COL19A1: variants seen among roughly 807,000 people sequenced by gnomAD.
COL19A1 encodes the protein collagen alpha-1(XIX) chain.
In COL19A1, 159 loss-of-function variants were observed where a neutral mutation model predicts 190.2. The observed-to-expected ratio is 0.84, with a 90% confidence interval of 0.73 to 0.95. The LOEUF is 0.95. Among genes scored for constraint, COL19A1 ranks in the 40% least tolerant of loss-of-function variants. COL19A1 has a pLI of 0.00. For missense variants in COL19A1, 1,418 were observed against 1,431.9 expected, an observed-to-expected ratio of 0.99 and a Z score of 0.16; for synonymous variants, 509 against 458.9, an observed-to-expected ratio of 1.11 and a Z score of -1.39.
In COL19A1 at chr6:70,212,328, T is replaced by C. The variant is rs748518773; in HGVS notation, c.*5054T>C. ...TTTACGATTTAATTGAATATACTCA[T>C]GTTAAGTGCAATGGCATTAGTTTTA... On this transcript the variant is annotated 3_prime_UTR_variant, in exon 51 of 51. Coordinates refer to ENST00000620364, the MANE Select transcript of COL19A1 (RefSeq NM_001858.6). Among the ~76,000 whole-genome samples, 7 of 152,234 alleles carry C rather than the reference T, an allele frequency of 4.6e-5. No homozygotes were observed. Among genetic ancestry groups the C allele is most frequent in the Non-Finnish European group, 1.0e-4 (7 of 68,038 alleles).
chr6:70,147,730 A>G (rs564002638), intron 27 of COL19A1, among the ~76,000 whole-genome samples: 4 of 152,198 alleles, frequency 2.6e-5, no homozygotes, highest in East Asian at 3.9e-4. Flanking sequence ...GTCTGACACT[A>G]TCTACCTGGA....
chr6:69,942,740 ATGTGTGTG>A (rs35406948), intron 9 of COL19A1, among the ~76,000 whole-genome samples: 1 of 146,682 alleles, frequency 6.8e-6, no homozygotes, highest in East Asian at 2.0e-4. Flanking sequence ...CATTGTGTGT[ATGTGTGTG>A]TGTGTGTGTG....
At chr6:69,997,467 C>G (rs1001419767) in intron 11 of COL19A1, among the ~76,000 whole-genome samples, 1 of 152,098 alleles carries the variant, frequency 6.6e-6, no homozygotes, top group Non-Finnish European at 1.5e-5. Flanking sequence ...TAAATCTGTT[C>G]AAGGAATTAG....
intron 49 of COL19A1, among the ~76,000 whole-genome samples, chr6:70,203,899 G>T (rs1284714243): frequency 6.7e-6 from 1 of 150,314 alleles, no homozygotes; most frequent in African/African-American, 2.5e-5. Flanking sequence ...CACTCTTGTT[G>T]CCTAGGCTGG....
At chr6:70,107,147 G>A (rs768130079) in intron 16 of COL19A1, among the ~76,000 whole-genome samples, 2 of 152,124 alleles carry the variant, frequency 1.3e-5, no homozygotes, top group Non-Finnish European at 2.9e-5. Context: ...TGAAACACAG[G>A]AACTGATCCC....
intron 1 of COL19A1, among the ~76,000 whole-genome samples, chr6:69,873,260 A>C (rs760526038): frequency 6.6e-6 from 1 of 152,030 alleles, no homozygotes; most frequent in Non-Finnish European, 1.5e-5. Context: ...CCTGAAAAAA[A>C]AAAACGATCC....
intron 12 of COL19A1, among the ~76,000 whole-genome samples, chr6:70,029,493 A>G (rs1778909283): frequency 6.6e-6 from 1 of 152,148 alleles, no homozygotes; most frequent in South Asian, 2.1e-4. Context: ...CTTACTCAAT[A>G]TTTAATTCAG....
At chr6:70,057,412 G>A (rs1162112991) in intron 14 of COL19A1, among the ~76,000 whole-genome samples, 1 of 151,950 alleles carries the variant, frequency 6.6e-6, no homozygotes, top group Non-Finnish European at 1.5e-5. Flanking sequence ...TCATAGTCAA[G>A]AATAATTTAA....
chr6:69,976,560 G>T (rs75460839), intron 11 of COL19A1, among the ~76,000 whole-genome samples: 1 of 152,068 alleles, frequency 6.6e-6, no homozygotes, highest in Non-Finnish European at 1.5e-5. Flanking sequence ...AGTACATAAC[G>T]CTCCCTAGGA....
intron 15 of COL19A1, among the ~76,000 whole-genome samples, chr6:70,077,105 C>G (rs1316206388): frequency 1.3e-5 from 2 of 152,062 alleles, no homozygotes; most frequent in East Asian, 3.9e-4. Context: ...CTTTGAAAGC[C>G]AGCAAATTAT....
At chr6:69,946,881 C>T (rs1406774998) in intron 9 of COL19A1, among the ~76,000 whole-genome samples, 2 of 151,816 alleles carry the variant, frequency 1.3e-5, no homozygotes, top group East Asian at 3.9e-4. Context: ...AACTGTGGCC[C>T]TATAGTAGGG....
intron 11 of COL19A1, among the ~76,000 whole-genome samples, chr6:70,004,729 G>A (rs145875936): frequency 0.014 from 2,111 of 152,036 alleles, 38 homozygotes; most frequent in East Asian, 0.069. Context: ...GGTAATTTAT[G>A]TTCCTCTCTA....
intron 12 of COL19A1, among the ~76,000 whole-genome samples, chr6:70,031,552 A>G (rs1225948372): frequency 1.3e-5 from 2 of 152,200 alleles, no homozygotes; most frequent in Non-Finnish European, 2.9e-5. Flanking sequence ...GTAAGAAAGA[A>G]CATGGAATAT....
At chr6:69,916,442 TC>T (rs1426954286) in intron 4 of COL19A1, among the ~76,000 whole-genome samples, 1 of 152,234 alleles carries the variant, frequency 6.6e-6, no homozygotes, top group East Asian at 1.9e-4. Context: ...TTTTTTTTCA[TC>T]TTGTTTAGCA....
intron 6 of COL19A1, 85 bp downstream of exon 6, chr6:69,929,785 T>G: frequency 8.2e-7 from 1 of 1,224,132 alleles, no homozygotes; most frequent in Non-Finnish European, 1.1e-6. Context: ...CTTTTATTAC[T>G]GTGTAATAGA....
At chr6:70,000,565 C>T (rs1259817319) in intron 11 of COL19A1, among the ~76,000 whole-genome samples, 2 of 152,176 alleles carry the variant, frequency 1.3e-5, no homozygotes, top group South Asian at 2.1e-4. Flanking sequence ...GCCATTCTGA[C>T]TGGCATGAGA....
At chr6:70,024,518 A>G (rs1170824805) in intron 12 of COL19A1, among the ~76,000 whole-genome samples, 1 of 151,678 alleles carries the variant, frequency 6.6e-6, no homozygotes, top group Non-Finnish European at 1.5e-5. Flanking sequence ...CCCATTTTGT[A>G]TGCAGGAGAT....
intron 13 of COL19A1, among the ~76,000 whole-genome samples, chr6:70,035,554 A>G (rs1779307926): frequency 6.6e-6 from 1 of 152,208 alleles, no homozygotes; most frequent in East Asian, 1.9e-4. Flanking sequence ...CAAATTATCT[A>G]TCGCCGTGAC....
intron 6 of COL19A1, among the ~76,000 whole-genome samples, chr6:69,931,375 C>T (rs1331496647): frequency 6.6e-6 from 1 of 152,096 alleles, no homozygotes; most frequent in Non-Finnish European, 1.5e-5. Flanking sequence ...ACTATTCTGA[C>T]TGTCATTTCA....
Sources: allele counts gnomAD v4.1 joint callset (sites outside exome capture counted in the v4.1 genomes callset), GRCh38; gene constraint gnomAD v4.1.1; transcripts MANE v1.5; gene names NCBI Gene and HGNC (gene_info 2026-07-23, HGNC 2026-07-21).